Variants in RANBP2 observed in about 807,000 individuals in gnomAD.
The protein encoded by RANBP2 is RAN binding protein 2.
RANBP2 carries 57 observed loss-of-function variants against 303.6 expected under a neutral mutation model. The observed-to-expected ratio is 0.19, with a 90% CI of 0.15 to 0.23. The LOEUF is 0.23. RANBP2 is among the 10% of genes least tolerant of loss of function. The pLI is 1.00. For synonymous variants in RANBP2, 1,167 were observed against 1,301.5 expected, an observed-to-expected ratio of 0.90 and a Z score of 2.23; for missense variants, 3,138 against 3,780.8, an observed-to-expected ratio of 0.83 and a Z score of 4.46.
the RANBP2 span, among the ~76,000 whole-genome samples, chr2:108,840,991 T>G: frequency 2.2e-4 from 34 of 151,890 alleles, no homozygotes; most frequent in East Asian, 3.3e-3. Flanking sequence ...TTTGTGTTTT[T>G]TGTGTGTGTG....
chr2:108,782,664 A>G lies in RANBP2; in HGVS notation c.9171A>G (p.Glu3057=). 6.2e-7 allele frequency: 1 copy of G among 1,614,232 alleles called. No homozygotes were observed. Among genetic ancestry groups the G allele is most frequent in the Non-Finnish European group, 8.5e-7 (1 of 1,180,042 alleles). Residue 3057 remains glutamate (E), a synonymous_variant, in exon 28 of 29, where the codon GAA becomes GAG. Transcript: ENST00000283195. ...AAGGACATGTATCACTGGCAGCAGAATTATCAAAGGAGACCAATCCTGTGG... is the reference window on the plus strand; with the variant it reads ...AAGGACATGTATCACTGGCAGCAGAGTTATCAAAGGAGACCAATCCTGTGG... ...LQKGHVSLAA[E]LSKETNPVVF... is the part of the protein sequence containing the mutation.
the RANBP2 span, among the ~76,000 whole-genome samples, chr2:109,443,585 A>G: frequency 6.6e-6 from 1 of 152,238 alleles, no homozygotes; most frequent in Non-Finnish European, 1.5e-5. Context: ...GCTAATATTA[A>G]TCAAAAGAAA....
chr2:109,023,317 AC>A, the RANBP2 span, among the ~76,000 whole-genome samples: 1 of 152,232 alleles, frequency 6.6e-6, no homozygotes, highest in Non-Finnish European at 1.5e-5. Context: ...TACAAATATG[AC>A]CTAGGAAACA....
chr2:108,997,223 C>T, the RANBP2 span, among the ~76,000 whole-genome samples: 4 of 151,936 alleles, frequency 2.6e-5, no homozygotes, highest in South Asian at 6.2e-4. Flanking sequence ...GGGCAAATCA[C>T]GAGGTCAGGA....
At chr2:108,886,937 C>T in the RANBP2 span, among the ~76,000 whole-genome samples, 1 of 152,148 alleles carries the variant, frequency 6.6e-6, no homozygotes, top group Admixed American at 6.5e-5. Context: ...GTTGCCTGTG[C>T]TTTTGAGGTC....
At chr2:109,167,131 C>T in the RANBP2 span, among the ~76,000 whole-genome samples, 25 of 152,164 alleles carry the variant, frequency 1.6e-4, no homozygotes, top group Admixed American at 1.3e-3. Context: ...AGTAAGTGTT[C>T]TTTATGATAT....
chr2:109,508,924 G>A, the RANBP2 span, among the ~76,000 whole-genome samples: 1 of 152,228 alleles, frequency 6.6e-6, no homozygotes, highest in Non-Finnish European at 1.5e-5. Context: ...GCCCGGGACG[G>A]GGGGATGCAG....
chr2:109,464,374 A>G, the RANBP2 span, among the ~76,000 whole-genome samples: 3 of 152,270 alleles, frequency 2.0e-5, no homozygotes, highest in African/African-American at 7.2e-5. Flanking sequence ...ATATTTATGT[A>G]TATACATCTA....
chr2:108,931,850 A>G, the RANBP2 span, among the ~76,000 whole-genome samples: 4 of 152,048 alleles, frequency 2.6e-5, no homozygotes, highest in African/African-American at 9.7e-5. Flanking sequence ...AATGTGCTCT[A>G]GTGATCGCCT....
the RANBP2 span, among the ~76,000 whole-genome samples, chr2:109,153,470 G>C: frequency 1.6e-3 from 246 of 152,314 alleles, 2 homozygotes; most frequent in African/African-American, 5.8e-3. Flanking sequence ...GAAAGGACAT[G>C]AAATAACTGA....
At chr2:109,433,221 A>G in the RANBP2 span, among the ~76,000 whole-genome samples, 1 of 152,274 alleles carries the variant, frequency 6.6e-6, no homozygotes, top group Admixed American at 6.5e-5. Flanking sequence ...GTGTCATCAT[A>G]TATAGACGTG....
At chr2:109,650,907 G>A in the RANBP2 span, among the ~76,000 whole-genome samples, 1 of 152,064 alleles carries the variant, frequency 6.6e-6, no homozygotes, top group Non-Finnish European at 1.5e-5. Flanking sequence ...GGACTAATAC[G>A]ACAACCTAGC....
At chr2:109,117,657 G>C in the RANBP2 span, among the ~76,000 whole-genome samples, 1 of 152,196 alleles carries the variant, frequency 6.6e-6, no homozygotes. Context: ...TGCGCCCACT[G>C]TCTGGCACTC....
the RANBP2 span, among the ~76,000 whole-genome samples, chr2:109,315,984 T>C: frequency 1.2e-4 from 18 of 152,220 alleles, no homozygotes; most frequent in Non-Finnish European, 5.9e-5. Context: ...TTGGTCTGAC[T>C]GTGTGAGATT....
the RANBP2 span, among the ~76,000 whole-genome samples, chr2:109,641,004 G>A: frequency 1.3e-5 from 2 of 152,080 alleles, no homozygotes; most frequent in African/African-American, 4.8e-5. Flanking sequence ...GGACAAGATA[G>A]ATATTTGGGA....
chr2:109,572,869 C>A, the RANBP2 span, among the ~76,000 whole-genome samples: 1 of 152,120 alleles, frequency 6.6e-6, no homozygotes. Flanking sequence ...CCTGCCTTGG[C>A]CTCCCAAAGT....
chr2:108,843,186 C>T, the RANBP2 span, among the ~76,000 whole-genome samples: 3,067 of 152,138 alleles, frequency 0.02, 91 homozygotes, highest in African/African-American at 0.071. Flanking sequence ...GAGGCAGGGT[C>T]TCACTCTGCT....
At chr2:109,021,990 A>G in the RANBP2 span, among the ~76,000 whole-genome samples, 1 of 152,148 alleles carries the variant, frequency 6.6e-6, no homozygotes, top group Non-Finnish European at 1.5e-5. Flanking sequence ...TGTGGCTTAC[A>G]CAAGAGGCCC....
the RANBP2 span, among the ~76,000 whole-genome samples, chr2:109,458,601 A>AGAGAGAGAGAGAGAGAGAGAGAGTGT: frequency 6.7e-6 from 1 of 148,956 alleles, no homozygotes; most frequent in Non-Finnish European, 1.5e-5. Flanking sequence ...AGAGAGAGAG[A>AGAGAGAGAGAGAGAGAGAGAGAGTGT]ATTTATTTAT....
Sources: allele counts gnomAD v4.1 joint callset (sites outside exome capture counted in the v4.1 genomes callset), GRCh38; gene constraint gnomAD v4.1.1; transcripts MANE v1.5; gene names NCBI Gene and HGNC (gene_info 2026-07-23, HGNC 2026-07-21).